Variants in C4orf33 observed in about 807,000 individuals in gnomAD.
The protein encoded by C4orf33 is chromosome 4 open reading frame 33.
C4orf33 carries 20 observed loss-of-function variants against 24.3 expected under a neutral mutation model. The ratio of observed to expected loss-of-function variants is 0.82; its 90% confidence interval spans 0.58 to 1.19. The LOEUF is 1.19. Ranked by LOEUF, C4orf33 falls within the 50% of genes most tolerant of loss-of-function variation. The pLI, the probability that C4orf33 is intolerant of heterozygous loss-of-function variation, is 0.00. For synonymous variants in C4orf33, 67 were observed against 76.4 expected (o/e 0.88, Z 0.64); for missense variants, 207 against 225.9 (o/e 0.92, Z 0.54).
rs1032287193 is a variant in C4orf33 at position 129,106,480 on chromosome 4, T to C, written c.182-107T>C. 10 of 601,968 alleles carry C rather than the reference T, an allele frequency of 1.7e-5. No individual in the cohort carries two copies. The East Asian group carries it at 2.0e-4, about 12-fold the overall frequency. 37.3% of individuals were successfully genotyped at this position (601,968 alleles called of 1,614,324 possible). ...GCTCTTTTTCCTATTGGGGATAGTATTATAATTAAGAATAGTTAATTCATT... is the reference window on the plus strand; with the variant it reads ...GCTCTTTTTCCTATTGGGGATAGTACTATAATTAAGAATAGTTAATTCATT... On this transcript the variant is annotated intron_variant, in intron 2 of 5. Coordinates refer to ENST00000425929, the MANE Select transcript of C4orf33 (RefSeq NM_001099783.2).
In C4orf33 at chr4:129,114,343, C is replaced by T. The variant is rs1398503245; in HGVS notation, c.*2552C>T. On this transcript the variant is annotated 3_prime_UTR_variant, in exon 6 of 6. Coordinates refer to ENST00000425929, the MANE Select transcript of C4orf33 (RefSeq NM_001099783.2). Reference sequence around the variant, plus strand: ...CCCTCAGTTTAACAATTTATGGTCCCTTCCACACAGCTCCTCAGAAGTTCT... The same window carrying T: ...CCCTCAGTTTAACAATTTATGGTCCTTTCCACACAGCTCCTCAGAAGTTCT... The T allele has an allele frequency of 6.6e-6, 1 of 152,236 alleles. No individual in the cohort carries two copies. Among genetic ancestry groups the T allele is most frequent in the Non-Finnish European group, 1.5e-5 (1 of 68,064 alleles). The allele number at this position is 152,236 out of a possible 1,614,324, so 9.4% of individuals were successfully genotyped here. A position where few individuals can be genotyped will look rare whatever the true frequency, so the allele number is the denominator to read the frequency against.
At chr4:129,105,704 G>T (rs911951636) in intron 2 of C4orf33, among the ~76,000 whole-genome samples, 1 of 152,062 alleles carries the variant, frequency 6.6e-6, no homozygotes, top group Non-Finnish European at 1.5e-5. Context: ...GCATAGAAAA[G>T]GTCTGGCAGG....
chr4:129,110,514 C>T (rs1250737303), intron 5 of C4orf33, among the ~76,000 whole-genome samples: 2 of 152,106 alleles, frequency 1.3e-5, no homozygotes, highest in Non-Finnish European at 2.9e-5. Context: ...GATTGCTGCT[C>T]TATATCTCTC....
At chr4:129,109,802 A>G (rs1001951328) in intron 5 of C4orf33, 130 bp downstream of exon 5, 26 of 879,928 alleles carry the variant, frequency 3.0e-5, no homozygotes, top group Middle Eastern at 7.1e-4. Flanking sequence ...GTAGAGTCCA[A>G]TGTTCACTGA....
chr4:129,109,237 G>A lies in C4orf33; in HGVS notation c.243-70G>A. ...TTAGTTGCAAGCACACACATTCCAT[G>A]TATAAAGGATAGTGAAGAAAATAAC... On this transcript the variant is annotated intron_variant, in intron 3 of 5. Transcript: ENST00000425929. 1.5e-6 allele frequency: 2 copies of A among 1,370,696 alleles called. 1 individual carries two copies. The highest frequency in any genetic ancestry group is 4.4e-4 in the Middle Eastern group (2 of 4,564). The allele number at this position is 1,370,696 out of a possible 1,614,324, so 84.9% of individuals were successfully genotyped here.
intron 2 of C4orf33, chr4:129,103,001 C>A: frequency 5.2e-6 from 2 of 387,814 alleles, no homozygotes; most frequent in Non-Finnish European, 9.0e-6. Flanking sequence ...TAAAAAATGG[C>A]AATTACAAAT....
At chr4:129,094,731 C>T (rs1007281616), upstream of C4orf33, among the ~76,000 whole-genome samples, 1 of 152,058 alleles carries the variant, frequency 6.6e-6, no homozygotes, top group Non-Finnish European at 1.5e-5. Context: ...TGAACTTGTT[C>T]TGATTTTTAG....
At chr4:129,100,497 A>C (rs1753321666) in intron 1 of C4orf33, among the ~76,000 whole-genome samples, 1 of 152,202 alleles carries the variant, frequency 6.6e-6, no homozygotes, top group Non-Finnish European at 1.5e-5. Flanking sequence ...CCATGTGTGC[A>C]TGGAAATGAT....
rs1477933395 is a variant in C4orf33, at chr4:129,111,780, T to C, written c.589T>C (p.Cys197Arg). The change falls in exon 6 of 6, where the codon TGT becomes CGT. Residue 197 changes from cysteine (C) to arginine (R), a missense_variant. Coordinates refer to ENST00000425929, the MANE Select transcript of C4orf33 (RefSeq NM_001099783.2). ...PESDLWLIEK[C>R]DI ...ATCAGACCTGTGGCTAATAGAGAAA[T>C]GTGATATATAGGAGTAATAGATAAC... is the stretch of plus-strand genomic sequence containing the variant. 1.3e-6 allele frequency: 2 copies of C among 1,591,956 alleles called. No individual in the cohort carries two copies.
At position 129,110,156 on chromosome 4, in the gene C4orf33, C is replaced by A. The variant is rs1279629679; in HGVS notation, c.494+484C>A. The A allele has an allele frequency of 2.2e-5, 6 of 274,488 alleles. No individual in the cohort carries two copies. The East Asian group carries it at 8.9e-4, about 41-fold the overall frequency. 17.0% of individuals were successfully genotyped at this position (274,488 alleles called of 1,614,324 possible). A position where few individuals can be genotyped will look rare whatever the true frequency, so the allele number is the denominator to read the frequency against. ...GCAACACTGCTTACGATAAAAATGA[C>A]CCTTAAGTGGCAAATTACATCTGGA... On this transcript the variant is annotated intron_variant, in intron 5 of 5. Coordinates refer to ENST00000425929, the MANE Select transcript of C4orf33 (RefSeq NM_001099783.2).
rs762774966 is a variant in C4orf33, at chr4:129,109,490, G to A, written c.312G>A (p.Ser104=). 1.7e-5 allele frequency: 27 copies of A among 1,613,206 alleles called. No homozygotes were observed. Among genetic ancestry groups the A allele is most frequent in the East Asian group, 4.5e-5 (2 of 44,876 alleles). Residue 104 remains serine, a synonymous_variant, in exon 5 of 6, where the codon TCG becomes TCA. Coordinates refer to ENST00000425929, the MANE Select transcript of C4orf33 (RefSeq NM_001099783.2). ...RNVWKQELPL[S]FRMSRGETKW... is the part of the protein sequence containing the mutation. Reference sequence around the variant, plus strand: ...TTCTGTAGCAAGAACTTCCTTTATCGTTCAGAATGTCCAGAGGAGAGACAA... The same window carrying A: ...TTCTGTAGCAAGAACTTCCTTTATCATTCAGAATGTCCAGAGGAGAGACAA...
At chr4:129,109,210 A>T in intron 3 of C4orf33, 97 bp from the exon 4 acceptor site, 2 of 1,232,208 alleles carry the variant, frequency 1.6e-6, no homozygotes, top group Non-Finnish European at 2.4e-6. Flanking sequence ...TTATTTGGAA[A>T]ATTAGTTGCA....
intron 1 of C4orf33, among the ~76,000 whole-genome samples, chr4:129,098,538 G>A (rs1358426919): frequency 6.6e-6 from 1 of 152,196 alleles, no homozygotes; most frequent in East Asian, 1.9e-4. Flanking sequence ...TATTTTAAAA[G>A]GTTTTCTCTA....
chr4:129,096,953 A>C (rs968568838), intron 1 of C4orf33, among the ~76,000 whole-genome samples: 1 of 152,208 alleles, frequency 6.6e-6, no homozygotes, highest in African/African-American at 2.4e-5. Flanking sequence ...CTCTGTTGCC[A>C]GGCTGGAGTG....
rs768080582 is a variant in C4orf33 at position 129,111,906 on chromosome 4, T to C, written c.*115T>C. The C allele has an allele frequency of 3.5e-6, 2 of 567,490 alleles. No homozygotes were observed. Among genetic ancestry groups the C allele is most frequent in the Admixed American group, 6.8e-5 (2 of 29,200 alleles). The allele number at this position is 567,490 out of a possible 1,614,324, so 35.2% of individuals were successfully genotyped here. On this transcript the variant is annotated 3_prime_UTR_variant, in exon 6 of 6. Coordinates refer to ENST00000425929, the MANE Select transcript of C4orf33 (RefSeq NM_001099783.2). ...TACATTTCAACAACAAATATCTTCA[T>C]AGAAGTCACTGAAAATATAGTATCT...
intron 1 of C4orf33, among the ~76,000 whole-genome samples, chr4:129,097,537 T>G (rs1753241935): frequency 6.6e-6 from 1 of 152,254 alleles, no homozygotes; most frequent in Admixed American, 6.5e-5. Context: ...AGTTATACAG[T>G]GTTTCATTGT....
intron 2 of C4orf33, among the ~76,000 whole-genome samples, chr4:129,104,078 C>T (rs1489697187): frequency 2.6e-5 from 4 of 152,152 alleles, no homozygotes; most frequent in African/African-American, 4.8e-5. Flanking sequence ...TTTCATAAAC[C>T]AGTTCTTTAC....
intron 2 of C4orf33, among the ~76,000 whole-genome samples, chr4:129,105,078 AAGAG>A (rs1411383878): frequency 6.6e-6 from 1 of 151,912 alleles, no homozygotes; most frequent in South Asian, 2.1e-4. Flanking sequence ...TATGGAGAGA[AAGAG>A]AGAGATCTAT....
rs1561095059 is a variant in C4orf33 at position 129,115,831 on chromosome 4, A to ATAT, written c.*4040_*4041insTAT. 4.6e-5 allele frequency: 2 copies of ATAT among 43,732 alleles called. No homozygotes were observed. Among genetic ancestry groups the ATAT allele is most frequent in the Non-Finnish European group, 5.9e-5 (1 of 17,074 alleles). 2.7% of individuals were successfully genotyped at this position (43,732 alleles called of 1,614,324 possible). ...ATATATATATATATATATATATATA[A>ATAT]AATATATATGTTTATATATAACATA... On this transcript the variant is annotated 3_prime_UTR_variant, in exon 6 of 6. Coordinates refer to ENST00000425929, the MANE Select transcript of C4orf33 (RefSeq NM_001099783.2).
Sources: allele counts gnomAD v4.1 joint callset (sites outside exome capture counted in the v4.1 genomes callset), GRCh38; gene constraint gnomAD v4.1.1; transcripts MANE v1.5; gene names NCBI Gene and HGNC (gene_info 2026-07-23, HGNC 2026-07-21).